Variants in AGMO observed in about 807,000 individuals in gnomAD.
The protein encoded by AGMO is glyceryl-ether monooxygenase.
AGMO carries 75 observed loss-of-function variants against 60.2 expected under a neutral mutation model. The observed-to-expected ratio is 1.25, with a 90% CI of 1.03 to 1.51. The LOEUF is 1.51. Ranked by LOEUF, AGMO falls within the 40% of genes most tolerant of loss-of-function variation. AGMO has a pLI of 0.00. For synonymous variants in AGMO, 261 were observed against 177.1 expected (o/e 1.47, Z -3.76); for missense variants, 763 against 525.5 (o/e 1.45, Z -4.42).
intron 3 of AGMO, among the ~76,000 whole-genome samples, chr7:15,468,653 G>A (rs536781397): frequency 6.8e-4 from 104 of 151,858 alleles, no homozygotes; most frequent in African/African-American, 2.2e-3. Flanking sequence ...ATATGTATTC[G>A]CATATTACAT....
the AGMO span, among the ~76,000 whole-genome samples, chr7:15,190,551 T>G: frequency 6.6e-6 from 1 of 152,004 alleles, no homozygotes; most frequent in South Asian, 2.1e-4. Context: ...TCTGAAAAAA[T>G]AAGAATTAGA....
intron 3 of AGMO, among the ~76,000 whole-genome samples, chr7:15,525,085 C>A (rs1784089753): frequency 6.6e-6 from 1 of 152,046 alleles, no homozygotes; most frequent in Non-Finnish European, 1.5e-5. Flanking sequence ...GAAGTCAGTC[C>A]TGCTTCATAA....
chr7:15,398,575 C>A (rs1181321741), intron 5 of AGMO, among the ~76,000 whole-genome samples: 2 of 152,126 alleles, frequency 1.3e-5, no homozygotes, highest in African/African-American at 4.8e-5. Context: ...TTGAGCATAA[C>A]GGCTTAATTA....
At chr7:15,278,412 G>A (rs1003057170) in intron 12 of AGMO, among the ~76,000 whole-genome samples, 7 of 152,098 alleles carry the variant, frequency 4.6e-5, no homozygotes, top group African/African-American at 1.7e-4. Flanking sequence ...CCCATTCAAT[G>A]GCATGTATGA....
chr7:15,196,538 G>A (rs1781120322), downstream of AGMO, among the ~76,000 whole-genome samples: 1 of 152,222 alleles, frequency 6.6e-6, no homozygotes, highest in Admixed American at 6.5e-5. Context: ...GGAGGGACAA[G>A]AGAAGTTCTC....
At chr7:15,477,078 C>T (rs967727104) in intron 3 of AGMO, among the ~76,000 whole-genome samples, 1 of 151,964 alleles carries the variant, frequency 6.6e-6, no homozygotes, top group Non-Finnish European at 1.5e-5. Context: ...ACTCAAATTA[C>T]GTATACACAG....
intron 5 of AGMO, among the ~76,000 whole-genome samples, chr7:15,395,800 T>A (rs1346706724): frequency 6.6e-6 from 1 of 152,228 alleles, no homozygotes; most frequent in East Asian, 1.9e-4. Context: ...GTCTCAGACA[T>A]ATCTCTAATA....
intron 12 of AGMO, among the ~76,000 whole-genome samples, chr7:15,211,108 T>C (rs1300258340): frequency 1.3e-5 from 2 of 151,994 alleles, no homozygotes; most frequent in African/African-American, 2.4e-5. Flanking sequence ...GATGTCCCAG[T>C]TCAACACAAA....
At chr7:15,413,441 C>T (rs1780672017) in intron 5 of AGMO, among the ~76,000 whole-genome samples, 1 of 152,010 alleles carries the variant, frequency 6.6e-6, no homozygotes, top group Non-Finnish European at 1.5e-5. Context: ...ACCAGGACCC[C>T]TTAACTCCAA....
rs1037063335 is a variant in AGMO, at chr7:15,327,874, C to T, written c.1263+37640G>A. Among the ~76,000 whole-genome samples, 13 of 151,068 alleles carry T rather than the reference C, an allele frequency of 8.6e-5. 1 individual carries two copies. The South Asian group carries it at 2.3e-3, about 27-fold the overall frequency. On this transcript the variant is annotated intron_variant, in intron 12 of 12. Coordinates refer to ENST00000342526, the MANE Select transcript of AGMO (RefSeq NM_001004320.2). ...TGACCTACCAGCCTCAGGTGATGCT[C>T]CCACCTCAGCCTCCTGGGTAGCTGG... is the stretch of plus-strand genomic sequence containing the variant.
At chr7:15,460,497 G>A (rs1429201146) in intron 3 of AGMO, among the ~76,000 whole-genome samples, 4 of 151,842 alleles carry the variant, frequency 2.6e-5, no homozygotes, top group Non-Finnish European at 5.9e-5. Flanking sequence ...TCATTATTAT[G>A]AAAAATATTT....
At chr7:15,395,574 C>G (rs1429659847) in intron 5 of AGMO, among the ~76,000 whole-genome samples, 2 of 151,930 alleles carry the variant, frequency 1.3e-5, no homozygotes, top group Admixed American at 6.6e-5. Flanking sequence ...ACAGCTGATC[C>G]AGATTATGCT....
intron 12 of AGMO, among the ~76,000 whole-genome samples, chr7:15,277,125 T>C (rs1368558888): frequency 2.6e-5 from 4 of 151,822 alleles, no homozygotes; most frequent in Admixed American, 1.3e-4. Flanking sequence ...ATGGCCAACA[T>C]GGCAAAACCC....
chr7:15,165,875 A>T, the AGMO span, among the ~76,000 whole-genome samples: 1 of 152,168 alleles, frequency 6.6e-6, no homozygotes, highest in South Asian at 2.1e-4. Context: ...CTCCATAGTA[A>T]GGAATTAATT....
chr7:15,342,219 G>A (rs1378906113), intron 12 of AGMO, among the ~76,000 whole-genome samples: 3 of 120,986 alleles, frequency 2.5e-5, no homozygotes, highest in Admixed American at 8.6e-5. Context: ...GAAGCACTAA[G>A]AGACTTAGAG....
At chr7:15,299,825 C>G (rs1784509703) in intron 12 of AGMO, among the ~76,000 whole-genome samples, 1 of 108,114 alleles carries the variant, frequency 9.2e-6, no homozygotes, top group African/African-American at 3.5e-5. Flanking sequence ...AAGACTCTGT[C>G]TACATACACA....
chr7:15,304,295 C>G (rs887878268), intron 12 of AGMO, among the ~76,000 whole-genome samples: 1 of 152,040 alleles, frequency 6.6e-6, no homozygotes, highest in Non-Finnish European at 1.5e-5. Context: ...TCTCTCGATC[C>G]CCTCAACTCC....
rs373049426 is a variant in AGMO, at chr7:15,359,467, A to G, written c.1263+6047T>C. Among the ~76,000 whole-genome samples, 130 of 152,292 alleles carry G rather than the reference A, an allele frequency of 8.5e-4. 1 individual carries two copies. In the South Asian group the frequency reaches 0.015, roughly 18 times the overall value. On this transcript the variant is annotated intron_variant, in intron 12 of 12. Transcript: ENST00000342526. The stretch of plus-strand genomic sequence containing the variant: ...AAATATATTTACATTTTTTAAAATG[A>G]AATACCTTAAATATAAACATTGAGA...
chr7:15,389,310 C>CTG (rs1784047927), intron 8 of AGMO, among the ~76,000 whole-genome samples: 1 of 128,954 alleles, frequency 7.8e-6, no homozygotes, highest in Non-Finnish European at 1.7e-5. Flanking sequence ...GAAGGTGTCT[C>CTG]TTTTTTAATG....
Sources: allele counts gnomAD v4.1 joint callset (sites outside exome capture counted in the v4.1 genomes callset), GRCh38; gene constraint gnomAD v4.1.1; transcripts MANE v1.5; gene names NCBI Gene and HGNC (gene_info 2026-07-23, HGNC 2026-07-21).